CD96: variants seen among roughly 807,000 people sequenced by gnomAD.
CD96 encodes CD96 molecule, also known as T-cell surface protein tactile.
A neutral mutation model predicts 71.3 loss-of-function variants in CD96; 70 were observed. That is an observed-to-expected ratio of 0.98 (90% CI 0.81 to 1.20). The LOEUF is 1.20. Among genes scored for constraint, CD96 ranks in the 50% most tolerant of loss-of-function variants. The pLI is 0.00. For synonymous variants in CD96, 248 were observed against 233.0 expected (o/e 1.06, Z -0.59); for missense variants, 742 against 677.5 (o/e 1.10, Z -1.06).
chr3:111,603,094 C>A (rs991254794), intron 7 of CD96, among the ~76,000 whole-genome samples: 11 of 151,994 alleles, frequency 7.2e-5, no homozygotes, highest in African/African-American at 2.4e-4. Flanking sequence ...TGCACTAGGA[C>A]CTGCAGAATT....
chr3:111,652,730 C>A (rs1940135021), downstream of CD96, among the ~76,000 whole-genome samples: 1 of 152,078 alleles, frequency 6.6e-6, no homozygotes, highest in Non-Finnish European at 1.5e-5. Context: ...CACAAACCTG[C>A]AAATTAGAGG....
chr3:111,657,678 T>C (rs915657981), intron 14 of CD96, among the ~76,000 whole-genome samples: 1 of 152,040 alleles, frequency 6.6e-6, no homozygotes, highest in Non-Finnish European at 1.5e-5. Flanking sequence ...AAGGAACATA[T>C]AAATATGGAA....
intron 10 of CD96, among the ~76,000 whole-genome samples, chr3:111,631,385 TCC>T (rs1939053464): frequency 6.6e-6 from 1 of 151,988 alleles, no homozygotes; most frequent in Non-Finnish European, 1.5e-5. Flanking sequence ...ATGAATGAAT[TCC>T]CATTCACAAT....
intron 3 of CD96, among the ~76,000 whole-genome samples, chr3:111,574,723 C>T (rs778365455): frequency 6.6e-6 from 1 of 151,596 alleles, no homozygotes; most frequent in Non-Finnish European, 1.5e-5. Flanking sequence ...TTGTTCTTCT[C>T]CTTAAGTATA....
downstream of CD96, among the ~76,000 whole-genome samples, chr3:111,653,296 TA>T (rs915154872): frequency 1.5e-4 from 23 of 152,310 alleles, no homozygotes; most frequent in African/African-American, 5.5e-4. Context: ...AACAGGCACA[TA>T]AGTTAGATAT....
chr3:111,657,891 C>T (rs1241145831), intron 14 of CD96, among the ~76,000 whole-genome samples: 1 of 152,144 alleles, frequency 6.6e-6, no homozygotes, highest in East Asian at 1.9e-4. Flanking sequence ...TAATCTTAAT[C>T]TTAATCACGT....
chr3:111,653,643 G>C (rs1940159487), downstream of CD96, among the ~76,000 whole-genome samples: 1 of 152,136 alleles, frequency 6.6e-6, no homozygotes, highest in Non-Finnish European at 1.5e-5. Context: ...ATTAGAAATG[G>C]TAAAACCAAC....
At position 111,634,977 on chromosome 3, in the gene CD96, A is replaced by G. The variant is rs376321426; in HGVS notation, c.1322-2219A>G. 13 of 153,180 alleles carry G rather than the reference A, an allele frequency of 8.5e-5. 1 individual carries two copies. The East Asian group carries it at 2.1e-3, about 25-fold the overall frequency. 9.5% of individuals were successfully genotyped at this position (153,180 alleles called of 1,614,324 possible). A position where few individuals can be genotyped will look rare whatever the true frequency, so the allele number is the denominator to read the frequency against. On this transcript the variant is annotated intron_variant, in intron 10 of 13. Coordinates refer to ENST00000352690, the MANE Select transcript of CD96 (RefSeq NM_005816.5). Reference sequence around the variant, plus strand: ...TTAAAAGGGCATACAAATTAGCCAAATTTTCACATTCTGAAAATTAGATCC... The same window carrying G: ...TTAAAAGGGCATACAAATTAGCCAAGTTTTCACATTCTGAAAATTAGATCC...
intron 2 of CD96, among the ~76,000 whole-genome samples, chr3:111,558,999 G>A (rs1188194348): frequency 6.6e-6 from 1 of 152,156 alleles, no homozygotes; most frequent in African/African-American, 2.4e-5. Flanking sequence ...TTGCATAGAG[G>A]TGTTTGTAGT....
chr3:111,618,696 T>C (rs1030948389), intron 8 of CD96, among the ~76,000 whole-genome samples: 1 of 150,770 alleles, frequency 6.6e-6, no homozygotes, highest in Non-Finnish European at 1.5e-5. Context: ...GCCATTCTCC[T>C]GCCTCAGCCT....
In CD96 at chr3:111,600,926, A is replaced by G. The variant is rs749824429; in HGVS notation, c.1087+12A>G. 2 of 1,530,576 alleles carry G rather than the reference A, an allele frequency of 1.3e-6. No individual in the cohort carries two copies. Among genetic ancestry groups the G allele is most frequent in the Middle Eastern group, 1.7e-4 (1 of 5,874 alleles). The allele number at this position is 1,530,576 out of a possible 1,614,324, so 94.8% of individuals were successfully genotyped here. On this transcript the variant is annotated intron_variant, in intron 7 of 13. Transcript: ENST00000352690. ...CACTTTTCTCTTAGGTGAGTTGTCT[A>G]TTTAATAAGATCAACAAGAGTTTGC...
intron 3 of CD96, among the ~76,000 whole-genome samples, chr3:111,578,405 C>G (rs1362995566): frequency 6.6e-6 from 1 of 152,154 alleles, no homozygotes; most frequent in African/African-American, 2.4e-5. Context: ...AACACAAACA[C>G]AGAAGAAAGG....
intron 10 of CD96, chr3:111,634,876 CAA>C (rs1248593973): frequency 6.7e-6 from 1 of 148,756 alleles, no homozygotes; most frequent in African/African-American, 2.5e-5. Context: ...ACCTGGGTAA[CAA>C]GAGAAAAACT....
chr3:111,610,350 G>A (rs1276897911), intron 8 of CD96, among the ~76,000 whole-genome samples: 1 of 152,182 alleles, frequency 6.6e-6, no homozygotes. Flanking sequence ...ACCTTTGCAT[G>A]TTCTTTGAAG....
intron 6 of CD96, among the ~76,000 whole-genome samples, chr3:111,599,403 T>G (rs1266392384): frequency 6.6e-6 from 1 of 152,158 alleles, no homozygotes; most frequent in Non-Finnish European, 1.5e-5. Context: ...AATGACAGAA[T>G]GCAATTCTAA....
intron 5 of CD96, chr3:111,594,003 G>C: frequency 1.9e-6 from 3 of 1,614,206 alleles, no homozygotes; most frequent in Non-Finnish European, 2.5e-6. Context: ...TGCCCAGCAC[G>C]AGCAGGAGCT....
rs1937456734 is a variant in CD96, at chr3:111,600,753, A to G, written c.926A>G (p.Lys309Arg). ...ATATATATTACTAATGAAGAGAGAA[A>G]AGGCAAAGATGGATTTTTGGAACTG... ...EGIYITNEERKGKDGFLELKS... is the reference protein window; with the variant it reads ...EGIYITNEERRGKDGFLELKS... Residue 309 changes from lysine to arginine, a missense_variant, in exon 7 of 14, where the codon AAA becomes AGA. Lys to Arg is a conservative substitution (Grantham distance 26). Coordinates refer to ENST00000352690, the MANE Select transcript of CD96 (RefSeq NM_005816.5). 1.9e-6 allele frequency: 3 copies of G among 1,613,336 alleles called. No individual in the cohort carries two copies. The East Asian group carries it at 6.7e-5, about 36-fold the overall frequency.
At chr3:111,616,797 G>A (rs1357666245) in intron 8 of CD96, among the ~76,000 whole-genome samples, 2 of 152,084 alleles carry the variant, frequency 1.3e-5, no homozygotes, top group Non-Finnish European at 2.9e-5. Flanking sequence ...AGAACAGGAG[G>A]GAGCCTGCCC....
At chr3:111,645,236 T>G (rs887806042) in intron 12 of CD96, among the ~76,000 whole-genome samples, 1 of 152,132 alleles carries the variant, frequency 6.6e-6, no homozygotes, top group Non-Finnish European at 1.5e-5. Context: ...TGGATGAGAT[T>G]GGAGACTATT....
Sources: gnomAD v4.1 joint callset for allele counts (sites outside exome capture counted in the v4.1 genomes callset) on GRCh38, gnomAD v4.1.1 for gene constraint, MANE v1.5 for transcripts, NCBI Gene and HGNC (gene_info 2026-07-23, HGNC 2026-07-21) for gene names.